Variants in RAF1 observed in about 807,000 individuals in gnomAD.
The protein encoded by RAF1 is RAF proto-oncogene serine/threonine-protein kinase.
Under a neutral mutation model 81.1 loss-of-function variants are expected in RAF1, and 27 were observed. That is an observed-to-expected ratio of 0.33 (90% CI 0.25 to 0.46). RAF1 has a LOEUF of 0.46. Ranked by LOEUF, RAF1 falls within the 20% of genes least tolerant of loss-of-function variation. The pLI is 1.00. For missense variants in RAF1, 598 were observed against 826.0 expected, an observed-to-expected ratio of 0.72 and a Z score of 3.38; for synonymous variants, 298 against 294.0, an observed-to-expected ratio of 1.01 and a Z score of -0.14.
chr3:12,586,033 A>C (rs1329268648), intron 14 of RAF1: 3 of 502,334 alleles, frequency 6.0e-6, no homozygotes, highest in South Asian at 4.1e-5. Context: ...AGCCAAAAGC[A>C]AGCCAGCGTT....
chr3:12,613,381 A>G (rs1168283640), intron 2 of RAF1, among the ~76,000 whole-genome samples: 1 of 152,166 alleles, frequency 6.6e-6, no homozygotes. Context: ...AAGTGCTAAC[A>G]GCTGACAGCA....
intron 1 of RAF1, among the ~76,000 whole-genome samples, chr3:12,640,353 C>T (rs898433836): frequency 1.3e-5 from 2 of 152,142 alleles, no homozygotes; most frequent in African/African-American, 4.8e-5. Flanking sequence ...GCAACAAAAG[C>T]CCAAATTGAC....
chr3:12,592,150 T>A, intron 11 of RAF1: 1 of 359,826 alleles, frequency 2.8e-6, no homozygotes, highest in Non-Finnish European at 5.4e-6. Flanking sequence ...GTTAAACTAT[T>A]CACACCAACC....
chr3:12,627,021 CAAAA>C (rs34692000), intron 1 of RAF1, among the ~76,000 whole-genome samples: 5 of 77,020 alleles, frequency 6.5e-5, no homozygotes, highest in African/African-American at 1.7e-4. Flanking sequence ...GACTCTGTCT[CAAAA>C]AAAAAAAAAA....
At chr3:12,598,430 C>T (rs2058748494) in intron 11 of RAF1, among the ~76,000 whole-genome samples, 1 of 152,094 alleles carries the variant, frequency 6.6e-6, no homozygotes, top group Admixed American at 6.6e-5. Flanking sequence ...GTGGTAAAAA[C>T]CATGCATTAA....
intron 1 of RAF1, among the ~76,000 whole-genome samples, chr3:12,648,186 G>A (rs1338011923): frequency 2.0e-5 from 3 of 150,038 alleles, no homozygotes; most frequent in African/African-American, 7.4e-5. Flanking sequence ...AAACAGATGT[G>A]TATTCAAAGT....
chr3:12,584,301 C>T lies in RAF1; in HGVS notation c.*213G>A, dbSNP rs2125314362. On this transcript the variant is annotated 3_prime_UTR_variant, in exon 18 of 18. Coordinates refer to ENST00000442415, the MANE Select transcript of RAF1 (RefSeq NM_001354689.3). ...TGGGGAATGTGGGGAGGGAGCAGGA[C>T]ACACCAGCACTGCAAATGGCTTCCT... 3 of 606,428 alleles carry T rather than the reference C, an allele frequency of 4.9e-6. No individual in the cohort carries two copies. The highest frequency in any genetic ancestry group is 5.8e-6 in the Non-Finnish European group (2 of 341,896). The allele number at this position is 606,428 out of a possible 1,614,324, so 37.6% of individuals were successfully genotyped here.
intron 1 of RAF1, among the ~76,000 whole-genome samples, chr3:12,620,467 CTTTTTA>C (rs1186507907): frequency 6.6e-6 from 1 of 152,000 alleles, no homozygotes; most frequent in African/African-American, 2.4e-5. Context: ...TCCACACTTT[CTTTTTA>C]ATTAATTTAT....
intron 1 of RAF1, among the ~76,000 whole-genome samples, chr3:12,628,190 G>A (rs2059761473): frequency 1.3e-5 from 2 of 152,228 alleles, no homozygotes; most frequent in African/African-American, 4.8e-5. Context: ...GCCAGGTGCG[G>A]TAGTTCATGC....
intron 1 of RAF1, among the ~76,000 whole-genome samples, chr3:12,644,991 C>A (rs1575657466): frequency 6.7e-6 from 1 of 149,188 alleles, no homozygotes; most frequent in African/African-American, 2.5e-5. Context: ...CCCAGCTACT[C>A]GGGAGGCTGA....
At chr3:12,637,998 T>TC (rs1339321687) in intron 1 of RAF1, among the ~76,000 whole-genome samples, 1 of 152,150 alleles carries the variant, frequency 6.6e-6, no homozygotes, top group Non-Finnish European at 1.5e-5. Flanking sequence ...AAACAGGACC[T>TC]CCCCTGACCA....
At chr3:12,642,325 C>A (rs971822046) in intron 1 of RAF1, among the ~76,000 whole-genome samples, 10 of 144,010 alleles carry the variant, frequency 6.9e-5, no homozygotes. Context: ...AACAAAAAAA[C>A]AAAAACAAAC....
At position 12,604,178 on chromosome 3, in the gene RAF1, G is replaced by A. The variant is rs2125397410; in HGVS notation, c.792C>T (p.His264=). 1.2e-6 allele frequency: 2 copies of A among 1,614,176 alleles called. No individual in the cohort carries two copies. The highest frequency in any genetic ancestry group is 2.2e-5 in the South Asian group (2 of 91,082). Residue 264 remains histidine (H), a synonymous_variant, in exon 7 of 18, where the codon CAC becomes CAT. Coordinates refer to ENST00000442415, the MANE Select transcript of RAF1 (RefSeq NM_001354689.3). ...CCACAGGCAGGGTGGTGCTGACCAT[G>A]TGGACATTAGGTGTGGATGTCGACC... is the stretch of plus-strand genomic sequence containing the variant.
intron 11 of RAF1, 68 bp downstream of exon 10, chr3:12,599,623 C>A (rs2058793644): frequency 8.4e-7 from 1 of 1,186,558 alleles, no homozygotes; most frequent in Non-Finnish European, 1.3e-6. Context: ...CTCCTCCTGG[C>A]CCCCTGGGCT....
chr3:12,609,870 C>A (rs1227779812), intron 3 of RAF1, among the ~76,000 whole-genome samples: 3 of 152,124 alleles, frequency 2.0e-5, no homozygotes, highest in Non-Finnish European at 4.4e-5. Context: ...TAAAATCTTA[C>A]AAAAATCCCC....
At chr3:12,634,313 ATTTTTTT>A (rs375472091) in intron 1 of RAF1, among the ~76,000 whole-genome samples, 1 of 141,014 alleles carries the variant, frequency 7.1e-6, no homozygotes, top group South Asian at 2.2e-4. Context: ...CGCCTGGCTA[ATTTTTTT>A]TTTTTTTTTT....
At chr3:12,654,893 G>C (rs2060637909) in intron 1 of RAF1, among the ~76,000 whole-genome samples, 1 of 150,930 alleles carries the variant, frequency 6.6e-6, no homozygotes, top group African/African-American at 2.4e-5. Context: ...AAGAAAAGGA[G>C]GGCTGGGCGC....
intron 11 of RAF1, among the ~76,000 whole-genome samples, chr3:12,596,194 CTTTTTT>C (rs10575214): frequency 3.4e-5 from 4 of 117,286 alleles, no homozygotes; most frequent in East Asian, 2.7e-4. Context: ...ATTTTTCTTT[CTTTTTT>C]TTTTTTTTTT....
At chr3:12,650,823 A>C (rs527534583) in intron 1 of RAF1, among the ~76,000 whole-genome samples, 1 of 152,212 alleles carries the variant, frequency 6.6e-6, no homozygotes, top group Non-Finnish European at 1.5e-5. Context: ...AAAGGTAGGG[A>C]GGATTCTTAA....
Sources: allele counts gnomAD v4.1 joint callset (sites outside exome capture counted in the v4.1 genomes callset), GRCh38; gene constraint gnomAD v4.1.1; transcripts MANE v1.5; gene names NCBI Gene and HGNC (gene_info 2026-07-23, HGNC 2026-07-21).